The following FAM118B variants were observed in gnomAD, a reference collection of about 807,000 sequenced individuals.
The protein encoded by FAM118B is SIR2 antiphage like 1.
In FAM118B, 24 loss-of-function variants were observed where a neutral mutation model predicts 38.5. The observed-to-expected ratio is 0.62, with a 90% CI of 0.45 to 0.88. The LOEUF (loss-of-function observed/expected upper bound fraction) is 0.88. FAM118B is among the 40% of genes least tolerant of loss of function. FAM118B has a pLI of 0.00. For synonymous variants in FAM118B, 138 were observed against 156.3 expected (o/e 0.88, Z 0.87); for missense variants, 334 against 420.0 (o/e 0.80, Z 1.79).
chr11:126,261,124 T>C (rs1043935832), intron 7 of FAM118B: 11 of 325,176 alleles, frequency 3.4e-5, no homozygotes, highest in Non-Finnish European at 5.8e-5. Context: ...CTAGACTGTT[T>C]AGGGACAGCA....
At chr11:126,248,650 G>A (rs1469889290) in intron 4 of FAM118B, among the ~76,000 whole-genome samples, 1 of 152,122 alleles carries the variant, frequency 6.6e-6, no homozygotes, top group Non-Finnish European at 1.5e-5. Flanking sequence ...GATTACAGGC[G>A]TGAGCCAGCA....
At chr11:126,254,557 G>A in intron 6 of FAM118B, 124 bp downstream of exon 6, 2 of 1,298,326 alleles carry the variant, frequency 1.5e-6, no homozygotes, top group Non-Finnish European at 1.1e-6. Context: ...CAGGGGCTAG[G>A]AGCAGTGGCT....
At chr11:126,219,340 CTTGT>C (rs1950027635) in intron 1 of FAM118B, among the ~76,000 whole-genome samples, 1 of 82,578 alleles carries the variant, frequency 1.2e-5, no homozygotes, top group South Asian at 4.3e-4. Context: ...TCCTTCAGCT[CTTGT>C]TTATCTTTTT....
At chr11:126,219,252 G>T (rs1950025671) in intron 1 of FAM118B, among the ~76,000 whole-genome samples, 1 of 149,864 alleles carries the variant, frequency 6.7e-6, no homozygotes, top group African/African-American at 2.5e-5. Context: ...TATTCTTAGT[G>T]TCATGGAATG....
chr11:126,215,985 G>T (rs1197985108), intron 1 of FAM118B, among the ~76,000 whole-genome samples: 3 of 152,186 alleles, frequency 2.0e-5, no homozygotes, highest in East Asian at 1.9e-4. Flanking sequence ...CTGCACTCCA[G>T]CCTGGGTGAC....
rs937570294 is a variant in FAM118B at position 126,229,280 on chromosome 11, T to C, written c.-21T>C. The stretch of plus-strand genomic sequence containing the variant: ...AAAGCAGTGACAAAGAAAGAAGTTG[T>C]CATTCTTTGCACGGTAAAATCATCA... On this transcript the variant is annotated 5_prime_UTR_variant, in exon 2 of 9. Transcript: ENST00000533050. The C allele has an allele frequency of 1.3e-5, 2 of 152,220 alleles. No homozygotes were observed. The highest frequency in any genetic ancestry group is 4.8e-5 in the African/African-American group (2 of 41,454). The allele number at this position is 152,220 out of a possible 1,614,324, so 9.4% of individuals were successfully genotyped here.
At chr11:126,227,351 CGTGCCCA>C (rs1204774870) in intron 1 of FAM118B, among the ~76,000 whole-genome samples, 2 of 152,024 alleles carry the variant, frequency 1.3e-5, no homozygotes, top group African/African-American at 4.8e-5. Context: ...CGTGAGCCAC[CGTGCCCA>C]GCCACAAGCT....
At chr11:126,234,472 T>G (rs1053837689) in intron 2 of FAM118B, among the ~76,000 whole-genome samples, 4 of 152,230 alleles carry the variant, frequency 2.6e-5, no homozygotes, top group Admixed American at 2.0e-4. Context: ...CATGCCCCAC[T>G]GGCTACAAGG....
rs1950556211 is a variant in FAM118B at position 126,255,061 on chromosome 11, C to G, written c.696+628C>G. On this transcript the variant is annotated intron_variant, in intron 6 of 8. Coordinates refer to ENST00000533050, the MANE Select transcript of FAM118B (RefSeq NM_024556.4). This position sits in a 1 kb window ranked among gnomAD's most constrained non-coding sequence, Gnocchi z 4.6. The stretch of plus-strand genomic sequence containing the variant: ...GGTTTATTAATAGCCCTCTCTGTGT[C>G]AGAAATAATTGAGGCAGCTTCTTAA... Among the ~76,000 whole-genome samples the G allele has an allele frequency of 6.6e-6, 1 of 152,154 alleles. No individual in the cohort carries two copies. Among genetic ancestry groups the G allele is most frequent in the South Asian group, 2.1e-4 (1 of 4,824 alleles).
At chr11:126,218,617 T>C (rs1368940251) in intron 1 of FAM118B, among the ~76,000 whole-genome samples, 1 of 152,194 alleles carries the variant, frequency 6.6e-6, no homozygotes, top group Admixed American at 6.5e-5. Context: ...AATAAATGAA[T>C]TATTTTATTG....
chr11:126,234,958 G>A (rs889933123), intron 2 of FAM118B, 37 bp from the exon 3 acceptor site: 1 of 1,486,576 alleles, frequency 6.7e-7, no homozygotes, highest in Non-Finnish European at 9.4e-7. Context: ...ATACTTTACA[G>A]ATCTAATTGT....
At position 126,214,310 on chromosome 11, in the gene FAM118B, A is replaced by C. The variant is rs1401043496; in HGVS notation, c.-77+2480A>C. On this transcript the variant is annotated intron_variant, in intron 1 of 8. Transcript: ENST00000533050. ...GGAGCTTGCAGTGAGCCGAGATCGC[A>C]TCACTGCACTCCAGTCTGGGCAACA... is the stretch of plus-strand genomic sequence containing the variant. 3 of 150,092 alleles carry C rather than the reference A, an allele frequency of 2.0e-5. No homozygotes were observed. The Admixed American group carries it at 2.0e-4, about 10-fold the overall frequency. 9.3% of individuals were successfully genotyped at this position (150,092 alleles called of 1,614,324 possible).
At chr11:126,221,390 G>T (rs1316592536) in intron 1 of FAM118B, among the ~76,000 whole-genome samples, 3 of 152,060 alleles carry the variant, frequency 2.0e-5, no homozygotes, top group Non-Finnish European at 2.9e-5. Flanking sequence ...ACATATGTTG[G>T]TGCTTAAAAC....
chr11:126,250,369 G>A lies in FAM118B; in HGVS notation c.340-137G>A, dbSNP rs942983014. 1.6e-5 allele frequency: 10 copies of A among 617,406 alleles called. No individual in the cohort carries two copies. Among genetic ancestry groups the A allele is most frequent in the Middle Eastern group, 9.0e-4 (2 of 2,234 alleles). 38.2% of individuals were successfully genotyped at this position (617,406 alleles called of 1,614,324 possible). Reference sequence around the variant, plus strand: ...GTCTCCCAAAGTGCTGGGATTACAGGCGTGAGCCACTGCGCCTGGCCTTTA... The same window carrying A: ...GTCTCCCAAAGTGCTGGGATTACAGACGTGAGCCACTGCGCCTGGCCTTTA... On this transcript the variant is annotated intron_variant, in intron 4 of 8. Coordinates refer to ENST00000533050, the MANE Select transcript of FAM118B (RefSeq NM_024556.4). This position sits in a 1 kb window ranked among gnomAD's most constrained non-coding sequence, Gnocchi z 5.1.
At position 126,255,212 on chromosome 11, in the gene FAM118B, G is replaced by A. The variant is rs1045517466; in HGVS notation, c.696+779G>A. On this transcript the variant is annotated intron_variant, in intron 6 of 8. Coordinates refer to ENST00000533050, the MANE Select transcript of FAM118B (RefSeq NM_024556.4). This position sits in a 1 kb window ranked among gnomAD's most constrained non-coding sequence, Gnocchi z 4.6. Reference sequence around the variant, plus strand: ...GAAAAGCTTATTGATCTTTTGGGATGCACATTTTCGACTTGTTCAGATAAA... The same window carrying A: ...GAAAAGCTTATTGATCTTTTGGGATACACATTTTCGACTTGTTCAGATAAA... 6.6e-6 allele frequency among the ~76,000 whole-genome samples: 1 copy of A among 152,282 alleles called. No homozygotes were observed. Among genetic ancestry groups the A allele is most frequent in the Admixed American group, 6.5e-5 (1 of 15,296 alleles).
At chr11:126,236,677 C>T (rs1950278426) in intron 3 of FAM118B, among the ~76,000 whole-genome samples, 1 of 151,908 alleles carries the variant, frequency 6.6e-6, no homozygotes, top group African/African-American at 2.4e-5. Flanking sequence ...AATGTTTTTT[C>T]TATTCCACAT....
intron 1 of FAM118B, among the ~76,000 whole-genome samples, chr11:126,216,207 C>A (rs1949976320): frequency 6.6e-6 from 1 of 152,008 alleles, no homozygotes; most frequent in Non-Finnish European, 1.5e-5. Context: ...GAAACCCAAT[C>A]TCTACTAAAA....
chr11:126,222,776 C>T (rs148074550), intron 1 of FAM118B, among the ~76,000 whole-genome samples: 6 of 152,286 alleles, frequency 3.9e-5, no homozygotes, highest in East Asian at 3.9e-4. Context: ...ATTCCATCAG[C>T]GAATGTTTGA....
chr11:126,258,166 T>TG (rs1950610150), intron 7 of FAM118B, among the ~76,000 whole-genome samples: 1 of 152,010 alleles, frequency 6.6e-6, no homozygotes. Context: ...GAGGCCCAGG[T>TG]GGGAGGATCA....
Sources: gnomAD v4.1 joint callset for allele counts (sites outside exome capture counted in the v4.1 genomes callset) on GRCh38, gnomAD v4.1.1 for gene constraint, Gnocchi (gnomAD v3.1) non-coding constraint, MANE v1.5 for transcripts, NCBI Gene and HGNC (gene_info 2026-07-23, HGNC 2026-07-21) for gene names.